The following OR2C1 variants were observed in gnomAD, a reference collection of about 807,000 sequenced individuals.
OR2C1 encodes olfactory receptor 2C1.
For synonymous variants in OR2C1, 209 were observed against 167.3 expected (o/e 1.25, Z -1.92); for missense variants, 468 against 388.3 (o/e 1.21, Z -1.73).
chr16:3,352,022 G>T (rs2150850566), upstream of OR2C1, among the ~76,000 whole-genome samples: 1 of 151,882 alleles, frequency 6.6e-6, no homozygotes, highest in South Asian at 2.1e-4. Flanking sequence ...AAAGGAGCTT[G>T]ATTGTTTTCC....
At chr16:3,351,004 C>T (rs985055807), upstream of OR2C1, among the ~76,000 whole-genome samples, 5 of 141,154 alleles carry the variant, frequency 3.5e-5, no homozygotes, top group African/African-American at 8.0e-5. Context: ...TTGCACACTC[C>T]AGCCTGGGTG....
the OR2C1 span, among the ~76,000 whole-genome samples, chr16:3,332,496 C>G: frequency 6.6e-6 from 1 of 151,982 alleles, no homozygotes; most frequent in Admixed American, 6.6e-5. Flanking sequence ...AATTAATCAA[C>G]CTCTTTTTAT....
the OR2C1 span, among the ~76,000 whole-genome samples, chr16:3,350,158 C>T: frequency 2.9e-5 from 4 of 138,694 alleles, no homozygotes; most frequent in Non-Finnish European, 4.6e-5. Context: ...CAGGTTCAAG[C>T]GATTCTCCCG....
chr16:3,356,467 G>T lies in OR2C1; in HGVS notation c.527G>T (p.Gly176Val), dbSNP rs768213744. Reference protein sequence around the residue: ...LPLCGHRRVEGFLCEVPAMIK... With the variant: ...LPLCGHRRVEVFLCEVPAMIK... ...TTGTGTGGGCACCGGAGGGTGGAGG[G>T]ATTCCTCTGCGAGGTGCCTGCCATG... The change falls in exon 1 of 1, where the codon GGA (glycine) becomes GTA (valine). Residue 176 changes from glycine to valine, a missense_variant. Physicochemically the swap from Gly to Val is moderately radical, Grantham distance 109. Transcript: ENST00000304936. The T allele has an allele frequency of 1.9e-6, 3 of 1,613,996 alleles. No individual in the cohort carries two copies. The highest frequency in any genetic ancestry group is 1.7e-5 in the Admixed American group (1 of 60,004).
the OR2C1 span, among the ~76,000 whole-genome samples, chr16:3,340,514 C>CA: frequency 2.0e-4 from 31 of 152,000 alleles, no homozygotes; most frequent in Non-Finnish European, 4.1e-4. Flanking sequence ...TCTAAGAATC[C>CA]ATTGCCAAAT....
At chr16:3,341,578 C>G in the OR2C1 span, among the ~76,000 whole-genome samples, 1 of 152,224 alleles carries the variant, frequency 6.6e-6, no homozygotes, top group Non-Finnish European at 1.5e-5. Flanking sequence ...TTTCACAACC[C>G]CCTCCTAAGA....
At chr16:3,329,059 A>T in the OR2C1 span, among the ~76,000 whole-genome samples, 1 of 151,790 alleles carries the variant, frequency 6.6e-6, no homozygotes, top group South Asian at 2.1e-4. Context: ...CAATGGCATG[A>T]TCTTGGCTCA....
the OR2C1 span, among the ~76,000 whole-genome samples, chr16:3,341,905 G>C: frequency 2.0e-5 from 3 of 152,260 alleles, no homozygotes; most frequent in South Asian, 6.2e-4. Flanking sequence ...GCATGTCTTG[G>C]TCTTTCTTTC....
chr16:3,343,557 G>A, the OR2C1 span, among the ~76,000 whole-genome samples: 8 of 152,150 alleles, frequency 5.3e-5, no homozygotes, highest in Non-Finnish European at 1.2e-4. Context: ...TTTGAGAACA[G>A]CCTGGCCAAT....
chr16:3,342,247 C>A, the OR2C1 span, among the ~76,000 whole-genome samples: 1 of 151,802 alleles, frequency 6.6e-6, no homozygotes, highest in Non-Finnish European at 1.5e-5. Flanking sequence ...CGAGACCCTG[C>A]CTCAAAAAAT....
chr16:3,353,919 A>T (rs1361702564), upstream of OR2C1, among the ~76,000 whole-genome samples: 2 of 152,076 alleles, frequency 1.3e-5, no homozygotes, highest in African/African-American at 4.8e-5. Flanking sequence ...CATTATTAAC[A>T]AGAGCTGATT....
chr16:3,351,119 G>A (rs1312848002), upstream of OR2C1, among the ~76,000 whole-genome samples: 1 of 148,888 alleles, frequency 6.7e-6, no homozygotes, highest in Non-Finnish European at 1.5e-5. Context: ...TTTTTCTCTT[G>A]CCAAAGAATT....
upstream of OR2C1, among the ~76,000 whole-genome samples, chr16:3,354,176 G>C (rs1368474484): frequency 6.6e-6 from 1 of 151,888 alleles, no homozygotes; most frequent in Non-Finnish European, 1.5e-5. Context: ...GTAGAGACGG[G>C]GTTTCACCAT....
chr16:3,333,386 G>A, the OR2C1 span, among the ~76,000 whole-genome samples: 2 of 151,776 alleles, frequency 1.3e-5, no homozygotes, highest in African/African-American at 4.8e-5. Flanking sequence ...GCCCAGGCTG[G>A]AGTGCGTGGC....
the OR2C1 span, among the ~76,000 whole-genome samples, chr16:3,342,076 C>A: frequency 6.6e-6 from 1 of 152,098 alleles, no homozygotes; most frequent in African/African-American, 2.4e-5. Flanking sequence ...TTGAAACAAA[C>A]CCCATCTCTA....
upstream of OR2C1, chr16:3,355,819 G>T: frequency 1.5e-6 from 1 of 684,258 alleles, no homozygotes. Flanking sequence ...CTTAACTATG[G>T]ATCCCAGAGA....
Position 3,356,319 on chromosome 16 carries a change from T to C in OR2C1, c.379T>C (p.Cys127Arg). The C allele has an allele frequency of 6.2e-7, 1 of 1,613,358 alleles. No homozygotes were observed. The highest frequency in any genetic ancestry group is 1.3e-5 in the African/African-American group (1 of 75,060). ...GGCATTTGACCGCTACGTGGCAGTG[T>C]GCCGGCCCCTCCGCTACACCGCCAT... ...VMAFDRYVAV[C>R]RPLRYTAIMN... The change falls in exon 1 of 1, where the codon TGC becomes CGC. Residue 127 changes from cysteine to arginine, a missense_variant. Physicochemically the swap from Cys to Arg is radical, Grantham distance 180 (BLOSUM62 -3). Coordinates refer to ENST00000304936, the MANE Select transcript of OR2C1 (RefSeq NM_012368.3).
At chr16:3,323,290 C>T in the OR2C1 span, 2 of 900,938 alleles carry the variant, frequency 2.2e-6, no homozygotes, top group African/African-American at 3.2e-5. Flanking sequence ...TGATGGACCA[C>T]TGAGAGGTGG....
In OR2C1 at chr16:3,357,158, T is replaced by C. The variant is rs1377942711; in HGVS notation, c.*279T>C. 1 of 360,510 alleles carries C rather than the reference T, an allele frequency of 2.8e-6. No individual in the cohort carries two copies. Among genetic ancestry groups the C allele is most frequent in the African/African-American group, 2.1e-5 (1 of 48,498 alleles). The allele number at this position is 360,510 out of a possible 1,614,324, so 22.3% of individuals were successfully genotyped here. A position where few individuals can be genotyped will look rare whatever the true frequency, so the allele number is the denominator to read the frequency against. On this transcript the variant is annotated 3_prime_UTR_variant, in exon 1 of 1. Transcript: ENST00000304936. ...TTGACCTGTGACAGACCTGTCTCAC[T>C]GTCTCTGTCTCTGTTGCCCACATGT... is the stretch of plus-strand genomic sequence containing the variant.
Sources: gnomAD v4.1 joint callset for allele counts (sites outside exome capture counted in the v4.1 genomes callset) on GRCh38, gnomAD v4.1.1 for gene constraint, MANE v1.5 for transcripts, NCBI Gene and HGNC (gene_info 2026-07-23, HGNC 2026-07-21) for gene names.